The following OPCML variants were observed in gnomAD, a reference collection of about 807,000 sequenced individuals.
The protein encoded by OPCML is opioid binding protein/cell adhesion molecule like, also known as opioid-binding protein/cell adhesion molecule.
In OPCML, 13 loss-of-function variants were observed where a neutral mutation model predicts 37.8. The observed-to-expected ratio is 0.34, with a 90% CI of 0.22 to 0.55. The LOEUF (loss-of-function observed/expected upper bound fraction) is 0.55. OPCML is among the 20% of genes least tolerant of loss of function. OPCML has a pLI of 0.91. For missense variants in OPCML, 341 were observed against 435.6 expected (o/e 0.78, Z 1.93); for synonymous variants, 176 against 168.8 (o/e 1.04, Z -0.33).
intron 3 of OPCML, among the ~76,000 whole-genome samples, chr11:132,600,084 G>C (rs750485428): frequency 6.6e-6 from 1 of 152,216 alleles, no homozygotes; most frequent in Admixed American, 6.5e-5. Context: ...CAGCATAGCT[G>C]TGGGGTGTCC....
intron 2 of OPCML, among the ~76,000 whole-genome samples, chr11:132,792,701 G>A (rs907556991): frequency 6.6e-6 from 1 of 152,172 alleles, no homozygotes; most frequent in Non-Finnish European, 1.5e-5. Context: ...GCCCCCACCT[G>A]CGGCCCCCAG....
At chr11:133,401,043 G>C (rs1012926358) in intron 1 of OPCML, among the ~76,000 whole-genome samples, 1 of 152,140 alleles carries the variant, frequency 6.6e-6, no homozygotes, top group Non-Finnish European at 1.5e-5. Context: ...GTAATAATCC[G>C]AGTCTACATA....
chr11:132,674,914 A>G (rs977725720), intron 2 of OPCML, among the ~76,000 whole-genome samples: 3 of 152,114 alleles, frequency 2.0e-5, no homozygotes, highest in Admixed American at 6.6e-5. Flanking sequence ...GAAGAAAACT[A>G]TATTATCCAC....
intron 2 of OPCML, 46 bp from the exon 3 acceptor site, chr11:132,657,365 A>T (rs1941760681): frequency 6.3e-7 from 1 of 1,597,322 alleles, no homozygotes; most frequent in Non-Finnish European, 8.5e-7. Context: ...AGGGAAAGAG[A>T]GAGAGTGGAG....
At chr11:133,273,172 C>G (rs964701002) in intron 1 of OPCML, among the ~76,000 whole-genome samples, 2 of 152,174 alleles carry the variant, frequency 1.3e-5, no homozygotes, top group African/African-American at 4.8e-5. Flanking sequence ...TTTATTCTAG[C>G]TGGGGTCAAA....
At chr11:132,691,922 AG>A (rs1230239063) in intron 2 of OPCML, among the ~76,000 whole-genome samples, 3 of 152,178 alleles carry the variant, frequency 2.0e-5, no homozygotes, top group African/African-American at 4.8e-5. Context: ...GACAGATTTG[AG>A]GGTGTTGATT....
intron 2 of OPCML, among the ~76,000 whole-genome samples, chr11:132,723,573 G>A (rs560609795): frequency 2.6e-4 from 39 of 152,056 alleles, no homozygotes; most frequent in African/African-American, 8.2e-4. Context: ...TTAATGAAAC[G>A]TATCATAGAA....
Position 133,015,371 on chromosome 11 carries a change from T to C in OPCML, c.62-72361A>G, listed in dbSNP as rs111553018. ...AGGGAGGGAGGAAGGAAGGGAGGAATGAAGGAAGGAAGGAAGGAAGGAATG... is the reference window on the plus strand; with the variant it reads ...AGGGAGGGAGGAAGGAAGGGAGGAACGAAGGAAGGAAGGAAGGAAGGAATG... On this transcript the variant is annotated intron_variant, in intron 1 of 7. Coordinates refer to ENST00000524381, the MANE Select transcript of OPCML (RefSeq NM_001012393.5). Among the ~76,000 whole-genome samples, 102 of 57,626 alleles carry C rather than the reference T, an allele frequency of 1.8e-3. 4 individuals carry two copies. The highest frequency in any genetic ancestry group is 7.9e-3 in the African/African-American group (99 of 12,590). The allele number at this position is 57,626 out of a possible 152,430, so 37.8% of individuals were successfully genotyped here.
chr11:132,610,015 G>A (rs1938544833), intron 3 of OPCML, among the ~76,000 whole-genome samples: 1 of 123,832 alleles, frequency 8.1e-6, no homozygotes, highest in Admixed American at 7.8e-5. Flanking sequence ...TTTTCTCCTT[G>A]TAAATTCAGG....
At chr11:132,983,062 C>G (rs1424724629) in intron 1 of OPCML, among the ~76,000 whole-genome samples, 1 of 152,226 alleles carries the variant, frequency 6.6e-6, no homozygotes, top group African/African-American at 2.4e-5. Context: ...AGCTGCCTTT[C>G]CTGTCTCTGA....
chr11:133,400,959 C>T (rs1314246123), intron 1 of OPCML, among the ~76,000 whole-genome samples: 1 of 152,192 alleles, frequency 6.6e-6, no homozygotes, highest in Non-Finnish European at 1.5e-5. Flanking sequence ...TTCCTGCTAC[C>T]ACCCAATGGC....
intron 1 of OPCML, among the ~76,000 whole-genome samples, chr11:133,109,222 G>A (rs555956318): frequency 1.6e-4 from 25 of 152,262 alleles, no homozygotes; most frequent in Non-Finnish European, 2.6e-4. Flanking sequence ...ACGGAACTTT[G>A]CCGTGGGTGT....
chr11:132,591,447 C>G (rs1453788055), intron 3 of OPCML, among the ~76,000 whole-genome samples: 1 of 152,164 alleles, frequency 6.6e-6, no homozygotes, highest in East Asian at 1.9e-4. Context: ...TATGTTTGAC[C>G]TTTCCATCAA....
chr11:133,166,187 C>T (rs1289925952), intron 1 of OPCML, among the ~76,000 whole-genome samples: 1 of 152,142 alleles, frequency 6.6e-6, no homozygotes, highest in Non-Finnish European at 1.5e-5. Context: ...ATGACCAATG[C>T]CTACAAGATC....
intron 1 of OPCML, among the ~76,000 whole-genome samples, chr11:132,999,565 G>GT (rs1478710371): frequency 1.4e-5 from 2 of 142,686 alleles, no homozygotes; most frequent in African/African-American, 5.3e-5. Context: ...GTGACAAATG[G>GT]GGTCGGGGGG....
intron 2 of OPCML, among the ~76,000 whole-genome samples, chr11:132,689,645 A>T (rs369089403): frequency 1.3e-5 from 2 of 152,334 alleles, no homozygotes; most frequent in East Asian, 1.9e-4. Flanking sequence ...ATGAGGCAGG[A>T]AGAGCAGTAC....
rs371938165 is a variant in OPCML at position 133,415,853 on chromosome 11, G to A, written c.61+116411C>T. Among the ~76,000 whole-genome samples, 19 of 152,290 alleles carry A rather than the reference G, an allele frequency of 1.2e-4. No homozygotes were observed. The South Asian group carries it at 3.7e-3, about 30-fold the overall frequency. On this transcript the variant is annotated intron_variant, in intron 1 of 7. Coordinates refer to ENST00000524381, the MANE Select transcript of OPCML (RefSeq NM_001012393.5). ...CCCGTGATACGGAAGTCCATAGCAC[G>A]GACAGGACAGGAGAGAGGCCTGCAG...
Position 133,177,765 on chromosome 11 carries a change from G to T in OPCML, c.62-234755C>A, listed in dbSNP as rs770303900. On this transcript the variant is annotated intron_variant, in intron 1 of 7. Coordinates refer to ENST00000524381, the MANE Select transcript of OPCML (RefSeq NM_001012393.5). The surrounding 1 kb of genome is among the most constrained non-coding windows in gnomAD (Gnocchi z 5.0). Reference sequence around the variant, plus strand: ...AGCAAATGTGGAATCTCATGGAATCGGCCCCACACACTCACCGAAATGGCT... The same window carrying T: ...AGCAAATGTGGAATCTCATGGAATCTGCCCCACACACTCACCGAAATGGCT... 2.0e-5 allele frequency among the ~76,000 whole-genome samples: 3 copies of T among 152,010 alleles called. No homozygotes were observed. Among genetic ancestry groups the T allele is most frequent in the Admixed American group, 2.0e-4 (3 of 15,262 alleles).
At chr11:133,003,946 G>A (rs897634961) in intron 1 of OPCML, 49 of 985,290 alleles carry the variant, frequency 5.0e-5, no homozygotes, top group Non-Finnish European at 5.9e-5. Flanking sequence ...GCAGCACCCG[G>A]CACACTGTCC....
Sources: gnomAD v4.1 joint callset for allele counts (sites outside exome capture counted in the v4.1 genomes callset) on GRCh38, gnomAD v4.1.1 for gene constraint, Gnocchi (gnomAD v3.1) non-coding constraint, MANE v1.5 for transcripts, NCBI Gene and HGNC (gene_info 2026-07-23, HGNC 2026-07-21) for gene names.